The following MAP3K7CL variants were observed in gnomAD, a reference collection of about 807,000 sequenced individuals.
MAP3K7CL encodes MAP3K7 C-terminal-like protein.
MAP3K7CL carries 16 observed loss-of-function variants against 18.6 expected under a neutral mutation model. The ratio of observed to expected loss-of-function variants is 0.86; its 90% CI spans 0.58 to 1.31. The LOEUF is 1.31. Among genes scored for constraint, MAP3K7CL ranks in the 50% most tolerant of loss-of-function variants. MAP3K7CL has a pLI of 0.00. For missense variants in MAP3K7CL, 163 were observed against 174.4 expected, an observed-to-expected ratio of 0.93 and a Z score of 0.37; for synonymous variants, 65 against 66.8, an observed-to-expected ratio of 0.97 and a Z score of 0.13.
At chr21:29,110,138 A>G (rs1238630300) in intron 4 of MAP3K7CL, among the ~76,000 whole-genome samples, 1 of 152,132 alleles carries the variant, frequency 6.6e-6, no homozygotes, top group Non-Finnish European at 1.5e-5. Context: ...CTTCCATTAC[A>G]TCTACAGCAA....
chr21:29,078,335 T>C (rs1422596287), intron 1 of MAP3K7CL, among the ~76,000 whole-genome samples: 1 of 152,230 alleles, frequency 6.6e-6, no homozygotes, highest in African/African-American at 2.4e-5. Flanking sequence ...CCTTTATAAA[T>C]TTAAATTTTT....
intron 4 of MAP3K7CL, among the ~76,000 whole-genome samples, chr21:29,097,441 G>A (rs192490009): frequency 1.1e-4 from 16 of 152,202 alleles, no homozygotes; most frequent in Admixed American, 5.9e-4. Context: ...AACATAGGAG[G>A]TAGAACAAAA....
chr21:29,113,312 G>A (rs992670923), intron 4 of MAP3K7CL, among the ~76,000 whole-genome samples: 4 of 152,022 alleles, frequency 2.6e-5, no homozygotes, highest in African/African-American at 9.7e-5. Flanking sequence ...GGACCTCAAC[G>A]TGGCCTTCCT....
intron 2 of MAP3K7CL, among the ~76,000 whole-genome samples, chr21:29,140,551 A>C (rs569519543): frequency 1.3e-4 from 20 of 152,326 alleles, no homozygotes; most frequent in African/African-American, 4.8e-4. Flanking sequence ...GGTCCTCAGG[A>C]CTGTTACTTC....
intron 4 of MAP3K7CL, among the ~76,000 whole-genome samples, chr21:29,167,312 G>A (rs1326676815): frequency 6.6e-6 from 1 of 152,110 alleles, no homozygotes; most frequent in East Asian, 1.9e-4. Flanking sequence ...CATCAGAAAG[G>A]GGTTTTCATA....
intron 4 of MAP3K7CL, among the ~76,000 whole-genome samples, chr21:29,107,053 C>T (rs1568939381): frequency 6.6e-6 from 1 of 152,176 alleles, no homozygotes; most frequent in African/African-American, 2.4e-5. Flanking sequence ...CGTGGTGGCT[C>T]ACGCCTGTAA....
chr21:29,110,429 A>G (rs1402068353), intron 4 of MAP3K7CL, among the ~76,000 whole-genome samples: 2 of 151,262 alleles, frequency 1.3e-5, no homozygotes, highest in African/African-American at 4.9e-5. Flanking sequence ...CAGGGTCTCT[A>G]TCTGTTGCCC....
chr21:29,138,699 T>G (rs912717758), intron 2 of MAP3K7CL, among the ~76,000 whole-genome samples: 1 of 152,166 alleles, frequency 6.6e-6, no homozygotes, highest in African/African-American at 2.4e-5. Context: ...AAATTCTTTC[T>G]GGCCAGGCAC....
chr21:29,115,592 C>T (rs1009957628), intron 4 of MAP3K7CL, among the ~76,000 whole-genome samples: 11 of 152,290 alleles, frequency 7.2e-5, no homozygotes, highest in African/African-American at 2.4e-4. Context: ...TTTGACCTCC[C>T]TTTACCTCCA....
chr21:29,132,778 G>C (rs2086803952), intron 1 of MAP3K7CL, among the ~76,000 whole-genome samples: 1 of 151,988 alleles, frequency 6.6e-6, no homozygotes, highest in South Asian at 2.1e-4. Flanking sequence ...CCAAAGTGTT[G>C]GGGTTACAGG....
At chr21:29,100,964 G>A (rs1435108295) in intron 4 of MAP3K7CL, among the ~76,000 whole-genome samples, 2 of 150,926 alleles carry the variant, frequency 1.3e-5, no homozygotes, top group Non-Finnish European at 2.9e-5. Flanking sequence ...CGCCCGCCTC[G>A]GCCTCCCAAA....
chr21:29,085,962 A>G (rs1301922091), intron 1 of MAP3K7CL: 1 of 1,601,742 alleles, frequency 6.2e-7, no homozygotes, highest in Non-Finnish European at 8.6e-7. Context: ...ACTGTCGACT[A>G]TAATCCTGTT....
chr21:29,147,430 G>GC (rs2087156945), intron 2 of MAP3K7CL, among the ~76,000 whole-genome samples: 1 of 151,746 alleles, frequency 6.6e-6, no homozygotes, highest in Non-Finnish European at 1.5e-5. Flanking sequence ...TATATGTACT[G>GC]CATATGTATC....
chr21:29,150,558 C>T (rs1419613258), intron 3 of MAP3K7CL, among the ~76,000 whole-genome samples: 1 of 152,288 alleles, frequency 6.6e-6, no homozygotes, highest in East Asian at 1.9e-4. Context: ...GATCACCACA[C>T]AGCTGTCAAA....
At chr21:29,082,026 A>G (rs1021579939), upstream of MAP3K7CL, among the ~76,000 whole-genome samples, 3 of 152,188 alleles carry the variant, frequency 2.0e-5, no homozygotes, top group South Asian at 4.1e-4. Context: ...GATAAGTTAA[A>G]TGGTTATTTC....
chr21:29,120,575 C>T (rs896438163), intron 4 of MAP3K7CL, among the ~76,000 whole-genome samples: 1 of 152,222 alleles, frequency 6.6e-6, no homozygotes, highest in African/African-American at 2.4e-5. Context: ...ATTCATTTCT[C>T]ATCACCTTAA....
chr21:29,110,958 A>G (rs1238151601), intron 4 of MAP3K7CL, among the ~76,000 whole-genome samples: 1 of 152,094 alleles, frequency 6.6e-6, no homozygotes, highest in African/African-American at 2.4e-5. Context: ...TCTTCCATGT[A>G]AAAAATGTTC....
chr21:29,155,127 TAG>T (rs1275151210), intron 3 of MAP3K7CL, among the ~76,000 whole-genome samples: 1 of 152,238 alleles, frequency 6.6e-6, no homozygotes, highest in Non-Finnish European at 1.5e-5. Flanking sequence ...TCTAAGATAA[TAG>T]AGTTCTTAAA....
intron 2 of MAP3K7CL, among the ~76,000 whole-genome samples, chr21:29,134,816 A>G (rs2086848502): frequency 6.6e-6 from 1 of 152,184 alleles, no homozygotes; most frequent in Admixed American, 6.5e-5. Flanking sequence ...TTGGGAGGCC[A>G]AGGCAGGTGG....
Sources: allele counts gnomAD v4.1 joint callset (sites outside exome capture counted in the v4.1 genomes callset), GRCh38; gene constraint gnomAD v4.1.1; transcripts MANE v1.5; gene names NCBI Gene and HGNC (gene_info 2026-07-23, HGNC 2026-07-21).